ARHGAP6: variants seen among roughly 807,000 people sequenced by gnomAD.
ARHGAP6 encodes rho GTPase-activating protein 6.
ARHGAP6 carries 16 observed loss-of-function variants against 55.7 expected under a neutral mutation model. The observed-to-expected ratio is 0.29, with a 90% CI of 0.19 to 0.44. The LOEUF (loss-of-function observed/expected upper bound fraction) is 0.44. Among genes scored for constraint, ARHGAP6 ranks in the 20% least tolerant of loss-of-function variants. The pLI, the probability that ARHGAP6 is intolerant of heterozygous loss-of-function variation, is 1.00. For synonymous variants in ARHGAP6, 382 were observed against 360.9 expected (o/e 1.06, Z -0.66); for missense variants, 698 against 808.9 (o/e 0.86, Z 1.66).
chrX:11,341,151 G>T (rs1156950473), intron 1 of ARHGAP6, among the ~76,000 whole-genome samples: 2 of 111,279 alleles, frequency 1.8e-5, no homozygotes, highest in African/African-American at 6.6e-5. Flanking sequence ...TGTCAAAACT[G>T]ATAGAACCAT....
At position 11,280,928 on chromosome X, in the gene ARHGAP6, G is replaced by A. The variant is rs151017423; in HGVS notation, c.589-26221C>T. ...AAACCCAGTCACCAATAAAAACAAC[G>A]GAAATGTGAGCATATGTTCACCAAA... On this transcript the variant is annotated intron_variant, in intron 1 of 12. Coordinates refer to ENST00000337414, the MANE Select transcript of ARHGAP6 (RefSeq NM_013427.3). Among the ~76,000 whole-genome samples the A allele has an allele frequency of 8.1e-5, 9 of 110,780 alleles. No homozygotes were observed. In the East Asian group the frequency reaches 1.7e-3, roughly 21 times the overall value.
chrX:11,336,315 C>T (rs776739157), intron 1 of ARHGAP6, among the ~76,000 whole-genome samples: 11 of 111,283 alleles, frequency 9.9e-5, no homozygotes, highest in Middle Eastern at 4.6e-3. Flanking sequence ...ACTGTATTTT[C>T]GCCAAAGGAG....
chrX:11,425,292 G>T (rs903541387), intron 1 of ARHGAP6, among the ~76,000 whole-genome samples: 1 of 112,263 alleles, frequency 8.9e-6, no homozygotes, highest in African/African-American at 3.2e-5. Flanking sequence ...GTTGAGCAAA[G>T]TAAGTGGAAT....
chrX:11,406,678 G>A (rs998064174), intron 1 of ARHGAP6, among the ~76,000 whole-genome samples: 2 of 111,537 alleles, frequency 1.8e-5, no homozygotes, highest in Non-Finnish European at 3.8e-5. Context: ...GGATGTGTGC[G>A]TAGGGGGTAT....
chrX:11,512,016 C>T lies in ARHGAP6; in HGVS notation c.588+152225G>A, dbSNP rs1282912891. On this transcript the variant is annotated intron_variant, in intron 1 of 12. Transcript: ENST00000337414. ...TAATTTTTTGTATTTTTAGTAGAGA[C>T]AGGGTTTCACCGTGTTAGCCAGGAT... is the stretch of plus-strand genomic sequence containing the variant. Among the ~76,000 whole-genome samples the T allele has an allele frequency of 6.3e-5, 7 of 110,495 alleles. No individual in the cohort carries two copies. The East Asian group carries it at 1.1e-3, about 18-fold the overall frequency.
At chrX:11,350,749 A>G (rs1208366422) in intron 1 of ARHGAP6, among the ~76,000 whole-genome samples, 1 of 111,978 alleles carries the variant, frequency 8.9e-6, no homozygotes, top group Non-Finnish European at 1.9e-5. Context: ...ACCCCATAAG[A>G]TAACTTTAAA....
At chrX:11,638,863 A>G (rs2052444253) in intron 1 of ARHGAP6, among the ~76,000 whole-genome samples, 1 of 112,225 alleles carries the variant, frequency 8.9e-6, no homozygotes, top group Non-Finnish European at 1.9e-5. Flanking sequence ...TACTAAATTT[A>G]TAAATTAGAG....
chrX:11,459,723 C>T (rs377749220), intron 1 of ARHGAP6, among the ~76,000 whole-genome samples: 1 of 111,569 alleles, frequency 9.0e-6, no homozygotes, highest in East Asian at 2.8e-4. Context: ...GTTTCATTCA[C>T]CCCAATTACC....
At chrX:11,593,769 A>T (rs1457022583) in intron 1 of ARHGAP6, among the ~76,000 whole-genome samples, 2 of 112,054 alleles carry the variant, frequency 1.8e-5, no homozygotes, top group Non-Finnish European at 3.8e-5. Flanking sequence ...AGTCTATTTA[A>T]AGGAAAAAAA....
At chrX:11,418,807 A>C (rs1051689672) in intron 1 of ARHGAP6, among the ~76,000 whole-genome samples, 1 of 111,996 alleles carries the variant, frequency 8.9e-6, no homozygotes, top group African/African-American at 3.2e-5. Flanking sequence ...GTGTGGAAGA[A>C]AGAGACATTT....
At chrX:11,355,825 G>C (rs1002664030) in intron 1 of ARHGAP6, among the ~76,000 whole-genome samples, 7 of 111,409 alleles carry the variant, frequency 6.3e-5, no homozygotes, top group African/African-American at 2.3e-4. Context: ...GCTGGAAATG[G>C]GGAAAGAGCA....
chrX:11,234,471 A>G (rs1046426772), intron 2 of ARHGAP6, among the ~76,000 whole-genome samples: 1 of 112,602 alleles, frequency 8.9e-6, no homozygotes, highest in Admixed American at 9.4e-5. Flanking sequence ...GGTCTAGCAC[A>G]TGACTGTGCT....
In ARHGAP6 at chrX:11,572,413, C is replaced by G. The variant is rs56972700; in HGVS notation, c.588+91828G>C. On this transcript the variant is annotated intron_variant, in intron 1 of 12. Coordinates refer to ENST00000337414, the MANE Select transcript of ARHGAP6 (RefSeq NM_013427.3). ...TCCATGTGTTCTCATTGTTCAATTT[C>G]CACCTATGAGTGAGAACACAAGGTG... Among the ~76,000 whole-genome samples, 699 of 108,571 alleles carry G rather than the reference C, an allele frequency of 6.4e-3. 7 individuals are homozygous for G. Among genetic ancestry groups the G allele is most frequent in the African/African-American group, 0.022 (662 of 29,783 alleles). 94.3% of individuals were successfully genotyped at this position (108,571 alleles called of 115,157 possible). A position where few individuals can be genotyped will look rare whatever the true frequency, so the allele number is the denominator to read the frequency against.
intron 1 of ARHGAP6, among the ~76,000 whole-genome samples, chrX:11,275,555 C>T (rs1420660882): frequency 8.9e-6 from 1 of 111,815 alleles, no homozygotes; most frequent in African/African-American, 3.2e-5. Flanking sequence ...GGAATGTCCA[C>T]CAGCACTTCC....
intron 8 of ARHGAP6, among the ~76,000 whole-genome samples, chrX:11,174,635 C>CTTTCTTTCTCTTTCT (rs2046169083): frequency 8.7e-5 from 4 of 45,883 alleles, no homozygotes; most frequent in African/African-American, 1.0e-4. Flanking sequence ...TTCTTTCTTT[C>CTTTCTTTCTCTTTCT]TTTCTTTCTT....
chrX:11,241,576 G>A (rs987755538), intron 2 of ARHGAP6, among the ~76,000 whole-genome samples: 30 of 107,741 alleles, frequency 2.8e-4, no homozygotes, highest in Non-Finnish European at 5.2e-4. Flanking sequence ...GTGTGTGTGC[G>A]CGTGTGTCAT....
Position 11,650,287 on chromosome X carries a change from A to G in ARHGAP6, c.588+13954T>C, listed in dbSNP as rs985940976. On this transcript the variant is annotated intron_variant, in intron 1 of 12. Transcript: ENST00000337414. ...GGGGATTACAGGTGTGAGTCACTGC[A>G]CCTGGCCCAATCATTCAACTTTCTT... is the stretch of plus-strand genomic sequence containing the variant. 2.7e-5 allele frequency among the ~76,000 whole-genome samples: 3 copies of G among 111,546 alleles called. No individual in the cohort carries two copies. The Admixed American group carries it at 2.9e-4, about 11-fold the overall frequency.
intron 1 of ARHGAP6, among the ~76,000 whole-genome samples, chrX:11,495,415 T>G (rs1034597129): frequency 1.2e-4 from 13 of 112,324 alleles, no homozygotes; most frequent in African/African-American, 3.9e-4. Flanking sequence ...CCCAGGAGAC[T>G]TTTGGGAAAG....
intron 1 of ARHGAP6, among the ~76,000 whole-genome samples, chrX:11,658,549 C>A (rs905616408): frequency 9.1e-6 from 1 of 109,776 alleles, no homozygotes; most frequent in African/African-American, 3.3e-5. Flanking sequence ...CAATATTTTT[C>A]TCTGCTGCAT....
Sources: allele counts gnomAD v4.1 joint callset (sites outside exome capture counted in the v4.1 genomes callset), GRCh38; gene constraint gnomAD v4.1.1; transcripts MANE v1.5; gene names NCBI Gene and HGNC (gene_info 2026-07-23, HGNC 2026-07-21).